Variants in GRIN2B observed in about 807,000 individuals in gnomAD.
GRIN2B encodes the protein glutamate ionotropic receptor NMDA type subunit 2B.
GRIN2B carries 5 observed loss-of-function variants against 114.5 expected under a neutral mutation model. The ratio of observed to expected loss-of-function variants is 0.04; its 90% CI spans 0.02 to 0.09. The LOEUF is 0.09. GRIN2B is among the 10% of genes least tolerant of loss of function. The pLI is 1.00. For missense variants in GRIN2B, 1,108 were observed against 1,943.5 expected, an observed-to-expected ratio of 0.57 and a Z score of 8.08; for synonymous variants, 787 against 745.1, an observed-to-expected ratio of 1.06 and a Z score of -0.92.
intron 5 of GRIN2B, chr12:13,670,415 G>T (rs917286157): frequency 1.3e-5 from 2 of 152,076 alleles, no homozygotes; most frequent in African/African-American, 2.4e-5. Context: ...TCCCTTTAAG[G>T]TCTGTTTACA....
intron 3 of GRIN2B, among the ~76,000 whole-genome samples, chr12:13,828,028 T>C (rs1447064156): frequency 6.6e-6 from 1 of 152,226 alleles, no homozygotes; most frequent in East Asian, 1.9e-4. Flanking sequence ...ATATCTTTGT[T>C]ATTTCTCCGT....
chr12:13,717,798 G>A (rs779923172), intron 4 of GRIN2B, among the ~76,000 whole-genome samples: 4 of 151,882 alleles, frequency 2.6e-5, no homozygotes, highest in South Asian at 2.1e-4. Context: ...GATCCAAAAC[G>A]GAAAATGGAC....
intron 4 of GRIN2B, among the ~76,000 whole-genome samples, chr12:13,693,398 G>A (rs1340039762): frequency 2.0e-5 from 3 of 152,030 alleles, no homozygotes; most frequent in Non-Finnish European, 2.9e-5. Context: ...TATATGTGAA[G>A]GAAAAACTAT....
chr12:13,835,898 T>A (rs1865254255), intron 3 of GRIN2B, among the ~76,000 whole-genome samples: 1 of 151,612 alleles, frequency 6.6e-6, no homozygotes, highest in Admixed American at 6.6e-5. Flanking sequence ...AACATCATGT[T>A]AAATAGTTCA....
chr12:13,689,576 T>TGG (rs1950198303), intron 4 of GRIN2B, among the ~76,000 whole-genome samples: 1 of 152,118 alleles, frequency 6.6e-6, no homozygotes. Context: ...TGCAACAGCC[T>TGG]CCTCCTGGGC....
At chr12:13,569,479 A>C (rs1469240424) in intron 12 of GRIN2B, among the ~76,000 whole-genome samples, 1 of 152,210 alleles carries the variant, frequency 6.6e-6, no homozygotes, top group African/African-American at 2.4e-5. Flanking sequence ...TGCTTCTACA[A>C]GATAAGGAAT....
chr12:13,705,612 C>T (rs563199969), intron 4 of GRIN2B, among the ~76,000 whole-genome samples: 4 of 152,226 alleles, frequency 2.6e-5, no homozygotes, highest in South Asian at 2.1e-4. Context: ...GCTGTAACAC[C>T]AGTCATTTTT....
chr12:13,776,714 G>A (rs866310412), intron 3 of GRIN2B, among the ~76,000 whole-genome samples: 16 of 152,054 alleles, frequency 1.1e-4, no homozygotes, highest in Non-Finnish European at 2.1e-4. Flanking sequence ...GCGGAGACAA[G>A]AGAATAAGCA....
At chr12:13,840,080 G>A (rs1865351094) in intron 3 of GRIN2B, among the ~76,000 whole-genome samples, 1 of 152,092 alleles carries the variant, frequency 6.6e-6, no homozygotes, top group South Asian at 2.1e-4. Context: ...TAACTCAAAG[G>A]GTGAGGTGTG....
intron 2 of GRIN2B, among the ~76,000 whole-genome samples, chr12:13,958,620 CAT>C (rs1276880943): frequency 6.6e-6 from 1 of 152,212 alleles, no homozygotes; most frequent in African/African-American, 2.4e-5. Flanking sequence ...TCTCATACCA[CAT>C]GTCTCATCCC....
Position 13,974,732 on chromosome 12 carries a change from G to A in GRIN2B, c.-19+5196C>T, listed in dbSNP as rs143932398. Among the ~76,000 whole-genome samples, 525 of 151,610 alleles carry A rather than the reference G, an allele frequency of 3.5e-3. 10 individuals carry two copies. Among genetic ancestry groups the A allele is most frequent in the Admixed American group, 0.022 (340 of 15,226 alleles). ...TACATGTCCACACCACTAGATCCTGGGCTACACCACTAGATCCTGCTCCAC... is the reference window on the plus strand; with the variant it reads ...TACATGTCCACACCACTAGATCCTGAGCTACACCACTAGATCCTGCTCCAC... On this transcript the variant is annotated intron_variant, in intron 2 of 13. Transcript: ENST00000609686.
chr12:13,836,764 G>A (rs1865274793), intron 3 of GRIN2B, among the ~76,000 whole-genome samples: 1 of 152,030 alleles, frequency 6.6e-6, no homozygotes, highest in South Asian at 2.1e-4. Flanking sequence ...CCTGTGAGCT[G>A]AGCAGCTCCA....
At chr12:13,866,582 G>A (rs1276877500) in intron 2 of GRIN2B, among the ~76,000 whole-genome samples, 1 of 152,162 alleles carries the variant, frequency 6.6e-6, no homozygotes, top group Admixed American at 6.5e-5. Flanking sequence ...CCCTTGTACT[G>A]TTCTTGGGCT....
At chr12:13,761,836 G>A (rs1370310207) in intron 3 of GRIN2B, among the ~76,000 whole-genome samples, 1 of 152,174 alleles carries the variant, frequency 6.6e-6, no homozygotes, top group Non-Finnish European at 1.5e-5. Context: ...GAAATGAATA[G>A]AGAAAAGGTG....
At chr12:13,587,555 T>A (rs1215670971) in intron 10 of GRIN2B, among the ~76,000 whole-genome samples, 1 of 151,988 alleles carries the variant, frequency 6.6e-6, no homozygotes, top group South Asian at 2.1e-4. Flanking sequence ...GATATTTGTC[T>A]TGTTGCCCAG....
intron 3 of GRIN2B, among the ~76,000 whole-genome samples, chr12:13,860,197 G>A (rs372406886): frequency 6.6e-6 from 1 of 152,164 alleles, no homozygotes; most frequent in African/African-American, 2.4e-5. Flanking sequence ...TAGGGGAAGA[G>A]GGCCAGAGGA....
intron 2 of GRIN2B, among the ~76,000 whole-genome samples, chr12:13,898,025 T>TAAATAAAA (rs1555154316): frequency 1.2e-4 from 18 of 148,914 alleles, no homozygotes; most frequent in South Asian, 1.1e-3. Flanking sequence ...AATAAATAAA[T>TAAATAAAA]AAAAAAGAAA....
intron 3 of GRIN2B, among the ~76,000 whole-genome samples, chr12:13,818,549 C>G (rs1436037652): frequency 6.6e-6 from 1 of 152,146 alleles, no homozygotes; most frequent in Non-Finnish European, 1.5e-5. Context: ...GATTGAGAAG[C>G]CAAAGCTCCA....
chr12:13,665,746 T>C (rs1292246559), intron 5 of GRIN2B, among the ~76,000 whole-genome samples: 1 of 152,180 alleles, frequency 6.6e-6, no homozygotes, highest in African/African-American at 2.4e-5. Context: ...ACATGTTACA[T>C]AAAAGTCAGA....
Sources: gnomAD v4.1 joint callset for allele counts (sites outside exome capture counted in the v4.1 genomes callset) on GRCh38, gnomAD v4.1.1 for gene constraint, MANE v1.5 for transcripts, NCBI Gene and HGNC (gene_info 2026-07-23, HGNC 2026-07-21) for gene names.